Variants in LPP observed in about 807,000 individuals in gnomAD.
LPP encodes the protein LIM domain containing preferred translocation partner in lipoma, also known as lipoma-preferred partner.
LPP carries 38 observed loss-of-function variants against 60.4 expected under a neutral mutation model. That is an observed-to-expected ratio of 0.63 (90% CI 0.49 to 0.83). The LOEUF is 0.83. LPP is among the 40% of genes least tolerant of loss of function. The pLI, the probability that LPP is intolerant of heterozygous loss-of-function variation, is 0.00. For synonymous variants in LPP, 328 were observed against 290.8 expected, an observed-to-expected ratio of 1.13 and a Z score of -1.30; for missense variants, 902 against 783.6, an observed-to-expected ratio of 1.15 and a Z score of -1.80.
At position 188,609,498 on chromosome 3, in the gene LPP, T is replaced by C. The variant is rs1843207400; in HGVS notation, c.767T>C (p.Val256Ala). Residue 256 changes from valine to alanine, a missense_variant, in exon 7 of 12, where the codon GTT (valine) becomes GCT (alanine). Transcript: ENST00000617246. The surrounding 1 kb of genome is among the most constrained non-coding windows in gnomAD (Gnocchi z 6.9). Reference protein sequence around the residue: ...SGPQGYNTQPVPVSGQCPPPS... With the variant: ...SGPQGYNTQPAPVSGQCPPPS... Reference sequence around the variant, plus strand: ...CCCCAGGGCTATAACACTCAGCCAGTTCCTGTCTCTGGGCAGTGTCCACCT... The same window carrying C: ...CCCCAGGGCTATAACACTCAGCCAGCTCCTGTCTCTGGGCAGTGTCCACCT... The C allele has an allele frequency of 6.2e-7, 1 of 1,614,040 alleles. No individual in the cohort carries two copies. Among genetic ancestry groups the C allele is most frequent in the African/African-American group, 1.3e-5 (1 of 74,924 alleles).
At chr3:188,843,377 G>A (rs1332915682) in intron 9 of LPP, among the ~76,000 whole-genome samples, 1 of 152,152 alleles carries the variant, frequency 6.6e-6, no homozygotes, top group Non-Finnish European at 1.5e-5. Flanking sequence ...GCTCTGCGCT[G>A]GCTTGGCAGT....
chr3:188,496,947 A>G (rs1216930414), intron 5 of LPP, among the ~76,000 whole-genome samples: 1 of 151,914 alleles, frequency 6.6e-6, no homozygotes, highest in African/African-American at 2.4e-5. Flanking sequence ...TGTCAATGTC[A>G]ATCTTTCTTA....
At chr3:188,771,585 G>GAGAA (rs1187469662) in intron 9 of LPP, among the ~76,000 whole-genome samples, 103 of 73,012 alleles carry the variant, frequency 1.4e-3, no homozygotes, top group African/African-American at 4.7e-3. Flanking sequence ...GAAAGAAAGG[G>GAGAA]AGAAAGAAAG....
At chr3:188,232,502 C>G (rs1212013626) in intron 2 of LPP, among the ~76,000 whole-genome samples, 1 of 100,690 alleles carries the variant, frequency 9.9e-6, no homozygotes, top group Non-Finnish European at 1.9e-5. Flanking sequence ...TCACACCCGG[C>G]TATTTTTTTT....
chr3:188,728,475 A>T (rs542789102), intron 8 of LPP, among the ~76,000 whole-genome samples: 1 of 152,346 alleles, frequency 6.6e-6, no homozygotes, highest in Non-Finnish European at 1.5e-5. Context: ...GAAGAGAGTG[A>T]TTAATTTGCC....
chr3:188,573,006 T>C (rs1316525984), intron 6 of LPP, among the ~76,000 whole-genome samples: 1 of 152,070 alleles, frequency 6.6e-6, no homozygotes, highest in Non-Finnish European at 1.5e-5. Context: ...AGCCATAGGG[T>C]TGCCACAGAG....
chr3:188,760,029 A>T, intron 8 of LPP, 84 bp from the exon 9 acceptor site: 1 of 1,218,404 alleles, frequency 8.2e-7, no homozygotes, highest in Non-Finnish European at 1.2e-6. Context: ...TGCTGACGTT[A>T]TGAACCTGCT....
At chr3:188,462,018 A>G (rs1799066470) in intron 4 of LPP, among the ~76,000 whole-genome samples, 1 of 152,158 alleles carries the variant, frequency 6.6e-6, no homozygotes, top group African/African-American at 2.4e-5. Flanking sequence ...TTACCAAATT[A>G]TACTTGCATT....
At chr3:188,513,246 A>C (rs886494035) in intron 5 of LPP, among the ~76,000 whole-genome samples, 5 of 152,328 alleles carry the variant, frequency 3.3e-5, no homozygotes, top group Non-Finnish European at 7.3e-5. Context: ...GAGTTTGCTA[A>C]ACTGTGTGTG....
At chr3:188,873,349 C>T (rs1768656406) in intron 11 of LPP, among the ~76,000 whole-genome samples, 1 of 152,164 alleles carries the variant, frequency 6.6e-6, no homozygotes, top group Non-Finnish European at 1.5e-5. Flanking sequence ...ACCTCCTTGC[C>T]ACCATGGTAG....
intron 4 of LPP, among the ~76,000 whole-genome samples, chr3:188,436,498 A>G (rs1578877549): frequency 6.6e-6 from 1 of 151,766 alleles, no homozygotes; most frequent in East Asian, 1.9e-4. Context: ...TTCGTGAACA[A>G]CTCCTGTTTA....
intron 3 of LPP, among the ~76,000 whole-genome samples, chr3:188,371,641 ATTTTTTTTTTT>A (rs1158606459): frequency 1.6e-4 from 5 of 32,170 alleles, no homozygotes; most frequent in African/African-American, 6.2e-4. Context: ...ATATATATAT[ATTTTTTTTTTT>A]TTTTTTTTTT....
chr3:188,888,330 A>G lies in LPP; in HGVS notation c.*13851A>G, dbSNP rs972156764. ...GCGTGAAGATACAGAGCCTGAGGAT[A>G]GTAATTTTCCCTGAGCCACGCACAC... On this transcript the variant is annotated 3_prime_UTR_variant, in exon 12 of 12. Transcript: ENST00000617246. 1.8e-5 allele frequency: 4 copies of G among 227,696 alleles called. No homozygotes were observed. The highest frequency in any genetic ancestry group is 3.5e-5 in the Non-Finnish European group (4 of 114,540). The allele number at this position is 227,696 out of a possible 1,614,324, so 14.1% of individuals were successfully genotyped here. A position where few individuals can be genotyped will look rare whatever the true frequency, so the allele number is the denominator to read the frequency against.
intron 8 of LPP, among the ~76,000 whole-genome samples, chr3:188,746,262 T>C (rs1043170430): frequency 6.6e-6 from 1 of 152,138 alleles, no homozygotes; most frequent in Non-Finnish European, 1.5e-5. Flanking sequence ...CCTTAATCAT[T>C]TGTACCATTC....
intron 3 of LPP, among the ~76,000 whole-genome samples, chr3:188,364,226 A>G (rs879300448): frequency 6.6e-6 from 1 of 152,186 alleles, no homozygotes; most frequent in Non-Finnish European, 1.5e-5. Flanking sequence ...TTTTCAGTCA[A>G]TATATTGCAT....
chr3:188,488,749 G>A (rs1379201929), intron 5 of LPP, among the ~76,000 whole-genome samples: 3 of 152,004 alleles, frequency 2.0e-5, no homozygotes, highest in Non-Finnish European at 4.4e-5. Flanking sequence ...CGATTCTCCT[G>A]CCTCAGCCTC....
chr3:188,346,977 C>T (rs1438459289), intron 3 of LPP, among the ~76,000 whole-genome samples: 1 of 152,178 alleles, frequency 6.6e-6, no homozygotes, highest in South Asian at 2.1e-4. Context: ...TTCATTCACT[C>T]ATGCATTCAA....
Position 188,724,613 on chromosome 3 carries a change from A to AT in LPP, c.1240+16228dup, listed in dbSNP as rs145817054. Among the ~76,000 whole-genome samples the AT allele has an allele frequency of 5.1e-3, 780 of 152,042 alleles. 6 individuals are homozygous for AT. The highest frequency in any genetic ancestry group is 0.017 in the African/African-American group (692 of 41,486). On this transcript the variant is annotated intron_variant, in intron 8 of 11. Coordinates refer to ENST00000617246, the MANE Select transcript of LPP (RefSeq NM_001375462.1). ...TAACAAAAGGCGATTTCTGACCGTA[A>AT]TTTTTTTTGTTGTTAATAACACTTG...
In LPP at chr3:188,610,843, A is replaced by T. The variant is rs1843557929; in HGVS notation, c.1113+999A>T. On this transcript the variant is annotated intron_variant, in intron 7 of 11. Coordinates refer to ENST00000617246, the MANE Select transcript of LPP (RefSeq NM_001375462.1). The surrounding 1 kb of genome is among the most constrained non-coding windows in gnomAD (Gnocchi z 4.4). Reference sequence around the variant, plus strand: ...GCCAGTTTCCAGCCACTTGGGTTGGAAGAGTGCCCTTGCTTCTTTTCAGTT... The same window carrying T: ...GCCAGTTTCCAGCCACTTGGGTTGGTAGAGTGCCCTTGCTTCTTTTCAGTT... 1.3e-5 allele frequency among the ~76,000 whole-genome samples: 2 copies of T among 152,222 alleles called. No homozygotes were observed. Among genetic ancestry groups the T allele is most frequent in the African/African-American group, 4.8e-5 (2 of 41,462 alleles).
Sources: gnomAD v4.1 joint callset for allele counts (sites outside exome capture counted in the v4.1 genomes callset) on GRCh38, gnomAD v4.1.1 for gene constraint, Gnocchi (gnomAD v3.1) non-coding constraint, MANE v1.5 for transcripts, NCBI Gene and HGNC (gene_info 2026-07-23, HGNC 2026-07-21) for gene names.